FAM229B: variants seen among roughly 807,000 people sequenced by gnomAD.
FAM229B encodes the protein protein FAM229B.
A neutral mutation model predicts 6.7 loss-of-function variants in FAM229B; 2 were observed. That is an observed-to-expected ratio of 0.30 (90% CI 0.12 to 0.94). FAM229B has a LOEUF of 0.94. Among genes scored for constraint, FAM229B ranks in the 40% least tolerant of loss-of-function variants. The probability of loss-of-function intolerance (pLI) is 0.54; values close to 1 mark genes in which losing one functional copy is unlikely to be tolerated. For synonymous variants in FAM229B, 29 were observed against 34.0 expected (o/e 0.85, Z 0.51); for missense variants, 93 against 96.2 (o/e 0.97, Z 0.14).
chr6:112,096,506 A>G (rs949981068), intron 1 of FAM229B, among the ~76,000 whole-genome samples: 15 of 152,262 alleles, frequency 9.9e-5, no homozygotes, highest in African/African-American at 3.4e-4. Context: ...CAGTGAGCCA[A>G]GATAGCACCA....
Position 112,100,848 on chromosome 6 carries a change from G to C in FAM229B, c.*61G>C. 1 of 1,213,078 alleles carries C rather than the reference G, an allele frequency of 8.2e-7. No individual in the cohort carries two copies. The highest frequency in any genetic ancestry group is 1.8e-5 in the Admixed American group (1 of 56,076). 75.1% of individuals were successfully genotyped at this position (1,213,078 alleles called of 1,614,324 possible). A position where few individuals can be genotyped will look rare whatever the true frequency, so the allele number is the denominator to read the frequency against. On this transcript the variant is annotated 3_prime_UTR_variant, in exon 4 of 4. Transcript: ENST00000368656. ...AAGGGTAATGGACCAGTATCATCTG[G>C]TGATCTGGTAAACAAATAAAAGTGG...
chr6:112,088,053 A>G (rs1777201476), intron 1 of FAM229B, among the ~76,000 whole-genome samples: 1 of 152,244 alleles, frequency 6.6e-6, no homozygotes, highest in Non-Finnish European at 1.5e-5. Flanking sequence ...TCCCCAAATT[A>G]ACTTGTAGGC....
At chr6:112,092,275 A>G (rs1003225472) in intron 1 of FAM229B, among the ~76,000 whole-genome samples, 1 of 152,124 alleles carries the variant, frequency 6.6e-6, no homozygotes, top group Non-Finnish European at 1.5e-5. Flanking sequence ...AAATTGCTTA[A>G]TATCAGTGAT....
At chr6:112,100,549 G>C in intron 3 of FAM229B, 121 bp from the exon 4 acceptor site, 1 of 656,776 alleles carries the variant, frequency 1.5e-6, no homozygotes, top group Non-Finnish European at 2.7e-6. Context: ...CTCATTGTAT[G>C]ACATTCAGAG....
chr6:112,099,506 C>A, intron 3 of FAM229B, 98 bp downstream of exon 3: 3 of 1,198,782 alleles, frequency 2.5e-6, no homozygotes, highest in Admixed American at 2.7e-5. Context: ...AAACTCTCAG[C>A]AATTCAAAAA....
At chr6:112,093,989 G>A (rs1453331479) in intron 1 of FAM229B, among the ~76,000 whole-genome samples, 2 of 151,348 alleles carry the variant, frequency 1.3e-5, no homozygotes, top group African/African-American at 4.9e-5. Context: ...AGAAGAAAAA[G>A]CAAAAAAATT....
chr6:112,095,245 C>T (rs1367038550), intron 1 of FAM229B, among the ~76,000 whole-genome samples: 1 of 152,016 alleles, frequency 6.6e-6, no homozygotes, highest in Non-Finnish European at 1.5e-5. Flanking sequence ...GTTTTTAATT[C>T]CTCACGACAA....
At chr6:112,092,591 C>T (rs1441511520) in intron 1 of FAM229B, among the ~76,000 whole-genome samples, 1 of 151,902 alleles carries the variant, frequency 6.6e-6, no homozygotes, top group African/African-American at 2.4e-5. Context: ...AAATCTGGAC[C>T]TACTCAAAGG....
At position 112,099,396 on chromosome 6, in the gene FAM229B, T is replaced by C; in HGVS notation, c.113T>C (p.Met38Thr). ...SSSAACNGKEMSPTRQLRRCP... is the reference protein window; with the variant it reads ...SSSAACNGKETSPTRQLRRCP... ...AGTGCTGCCTGTAATGGGAAGGAGATGTCACCAACCAGGTAAAGTCTTCTG... is the reference window on the plus strand; with the variant it reads ...AGTGCTGCCTGTAATGGGAAGGAGACGTCACCAACCAGGTAAAGTCTTCTG... The change falls in exon 3 of 4, where the codon ATG becomes ACG. Residue 38 changes from methionine to threonine, a missense_variant. By Grantham distance (81) the Met-to-Thr change is moderately conservative. Transcript: ENST00000368656. 4 of 1,613,350 alleles carry C rather than the reference T, an allele frequency of 2.5e-6. No homozygotes were observed. Among genetic ancestry groups the C allele is most frequent in the Non-Finnish European group, 3.4e-6 (4 of 1,179,660 alleles).
At chr6:112,095,721 CA>C (rs2114506712) in intron 1 of FAM229B, among the ~76,000 whole-genome samples, 1 of 137,960 alleles carries the variant, frequency 7.2e-6, no homozygotes, top group South Asian at 2.7e-4. Flanking sequence ...TAAAACCCAT[CA>C]TTCTCCCCAC....
chr6:112,091,424 C>T (rs1777255543), intron 1 of FAM229B, among the ~76,000 whole-genome samples: 1 of 152,124 alleles, frequency 6.6e-6, no homozygotes, highest in Admixed American at 6.5e-5. Context: ...AGGGCTAGGA[C>T]TAATTCACAT....
intron 1 of FAM229B, among the ~76,000 whole-genome samples, chr6:112,095,663 A>C (rs1352969832): frequency 4.5e-5 from 4 of 89,636 alleles, no homozygotes; most frequent in Admixed American, 1.0e-4. Context: ...AAAAAAAACC[A>C]AAAAAAAAAA....
intron 1 of FAM229B, among the ~76,000 whole-genome samples, chr6:112,094,553 G>A (rs1196319701): frequency 2.6e-5 from 4 of 151,610 alleles, no homozygotes; most frequent in African/African-American, 9.7e-5. Flanking sequence ...CCATCTCTTA[G>A]ATTTAGATTA....
intron 2 of FAM229B, 90 bp downstream of exon 2, chr6:112,097,291 T>G (rs192616416): frequency 2.0e-5 from 3 of 152,218 alleles, no homozygotes; most frequent in Admixed American, 6.5e-5. Flanking sequence ...TATTATGGTT[T>G]CACTAAATCA....
intron 1 of FAM229B, among the ~76,000 whole-genome samples, chr6:112,089,314 G>C (rs1290133801): frequency 1.3e-5 from 2 of 151,950 alleles, no homozygotes; most frequent in Non-Finnish European, 2.9e-5. Flanking sequence ...AGGGAAGGGG[G>C]AGAGGAAGGA....
intron 1 of FAM229B, 147 bp downstream of exon 1, chr6:112,087,867 T>C (rs1777198484): frequency 5.2e-6 from 1 of 192,760 alleles, no homozygotes; most frequent in Non-Finnish European, 1.1e-5. Context: ...TGCGTTGGCA[T>C]CTCTGTTCAA....
At chr6:112,090,449 T>A (rs1188506219) in intron 1 of FAM229B, among the ~76,000 whole-genome samples, 1 of 152,230 alleles carries the variant, frequency 6.6e-6, no homozygotes, top group Admixed American at 6.5e-5. Flanking sequence ...AGTTTCCTTG[T>A]TAATTGCTGC....
chr6:112,094,370 T>C (rs1777296051), intron 1 of FAM229B, among the ~76,000 whole-genome samples: 1 of 152,236 alleles, frequency 6.6e-6, no homozygotes, highest in South Asian at 2.1e-4. Flanking sequence ...GGCCTGTGCT[T>C]ATGTCTCAGA....
rs142505600 is a variant in FAM229B, at chr6:112,098,317, A to G, written c.-14-953A>G. ...AGGGGGTAGGGAAGTGTTCCAAGGT[A>G]GGCAGTAAGGAGTTCATTTATATGT... On this transcript the variant is annotated intron_variant, in intron 2 of 3. Coordinates refer to ENST00000368656, the MANE Select transcript of FAM229B (RefSeq NM_001033564.3). Among the ~76,000 whole-genome samples, 225 of 152,270 alleles carry G rather than the reference A, an allele frequency of 1.5e-3. 2 individuals carry two copies. The highest frequency in any genetic ancestry group is 8.8e-5 in the Non-Finnish European group (6 of 68,016).
Sources: gnomAD v4.1 joint callset for allele counts (sites outside exome capture counted in the v4.1 genomes callset) on GRCh38, gnomAD v4.1.1 for gene constraint, MANE v1.5 for transcripts, NCBI Gene and HGNC (gene_info 2026-07-23, HGNC 2026-07-21) for gene names.